Variants in XPC observed in about 807,000 individuals in gnomAD.
XPC encodes the protein DNA repair protein complementing XP-C cells.
Under a neutral mutation model 95.8 loss-of-function variants are expected in XPC, and 76 were observed. That is an observed-to-expected ratio of 0.79 (90% CI 0.66 to 0.96). XPC has a LOEUF of 0.96. Ranked by LOEUF, XPC falls within the 40% of genes least tolerant of loss-of-function variation. The pLI, the probability that XPC is intolerant of heterozygous loss-of-function variation, is 0.00. For synonymous variants in XPC, 442 were observed against 442.1 expected (o/e 1.00, Z 0.00); for missense variants, 1,146 against 1,179.8 (o/e 0.97, Z 0.42).
rs180675361 is a variant in XPC, at chr3:14,171,505, A to T, written c.300-955T>A. 1.5e-4 allele frequency among the ~76,000 whole-genome samples: 23 copies of T among 152,234 alleles called. No homozygotes were observed. In the East Asian group the frequency reaches 4.5e-3, roughly 29 times the overall value. On this transcript the variant is annotated intron_variant, in intron 2 of 15. Transcript: ENST00000285021. ...CTCTGGAGATAGAATTCAACTAGTG[A>T]GGGGAGGCAACTGGAAAGCAGTAAG...
chr3:14,163,204 A>C (rs1696231599), intron 7 of XPC, among the ~76,000 whole-genome samples: 1 of 152,246 alleles, frequency 6.6e-6, no homozygotes, highest in Non-Finnish European at 1.5e-5. Flanking sequence ...TGGTTTCTCC[A>C]AAAATTACAT....
chr3:14,169,433 A>C (rs1696522746), intron 3 of XPC, among the ~76,000 whole-genome samples: 1 of 152,232 alleles, frequency 6.6e-6, no homozygotes, highest in African/African-American at 2.4e-5. Context: ...ACAGTCTACA[A>C]AACAAAAGAC....
chr3:14,166,935 G>T (rs1316923436), intron 5 of XPC, among the ~76,000 whole-genome samples: 1 of 152,176 alleles, frequency 6.6e-6, no homozygotes, highest in Non-Finnish European at 1.5e-5. Context: ...TCTTTATTTA[G>T]CCTCTGCTGC....
intron 5 of XPC, 84 bp downstream of exon 5, chr3:14,167,085 G>T: frequency 1.6e-6 from 2 of 1,280,718 alleles, no homozygotes; most frequent in Non-Finnish European, 1.1e-6. Context: ...CCACAGAGCA[G>T]CAAAGCCAGA....
rs1364737315 is a variant in XPC, at chr3:14,159,723, C to T, written c.990+18G>A. On this transcript the variant is annotated intron_variant, in intron 8 of 15. Transcript: ENST00000285021. ...CCTGTCAATTGCTCCTCTTCTCTGG[C>T]AGCCCTGCGCACCTCACCTTTGCTG... is the stretch of plus-strand genomic sequence containing the variant. The T allele has an allele frequency of 4.3e-5, 67 of 1,552,478 alleles. 1 individual carries two copies. The Admixed American group carries it at 1.3e-3, about 29-fold the overall frequency.
intron 11 of XPC, among the ~76,000 whole-genome samples, chr3:14,150,249 T>A (rs1179006710): frequency 2.0e-5 from 3 of 152,238 alleles, no homozygotes; most frequent in South Asian, 2.1e-4. Context: ...GGCGTGCGGC[T>A]GAGGGCTGGC....
rs375592814 is a variant in XPC, at chr3:14,164,883, T to A, written c.830A>T (p.Asp277Val). ...CCTTTCCAATGTAGTCTGCAGGTTATCTTGTTCACTGGCTGAAAGTTCTGC... is the reference window on the plus strand; with the variant it reads ...CCTTTCCAATGTAGTCTGCAGGTTAACTTGTTCACTGGCTGAAAGTTCTGC... ...VNAELSASEQ[D>V]NLQTTLERRF... The change falls in exon 7 of 16, where the codon GAT becomes GTT. Residue 277 changes from aspartate (D) to valine (V), a missense_variant. Physicochemically the swap from Asp to Val is radical, Grantham distance 152. Transcript: ENST00000285021. 3 of 1,612,850 alleles carry A rather than the reference T, an allele frequency of 1.9e-6. No individual in the cohort carries two copies. In the Admixed American group the frequency reaches 5.0e-5, roughly 27 times the overall value.
intron 2 of XPC, among the ~76,000 whole-genome samples, chr3:14,171,072 A>G (rs1289033845): frequency 1.3e-5 from 2 of 152,236 alleles, no homozygotes; most frequent in African/African-American, 4.8e-5. Context: ...ATAACAAGAG[A>G]CATAGACAGC....
At chr3:14,152,126 G>A in intron 11 of XPC, 1 of 521,300 alleles carries the variant, frequency 1.9e-6, no homozygotes, top group South Asian at 2.7e-5. Context: ...TGTTTTGGAA[G>A]ATCCATTTCT....
At position 14,147,950 on chromosome 3, in the gene XPC, G is replaced by A. The variant is rs767823910; in HGVS notation, c.2472C>T (p.Ala824=). The stretch of plus-strand genomic sequence containing the variant: ...CAATGACTGCCTGCTCATTTTCCCA[G>A]GCAGTCAGGAGCACGTCTTTGAATT... ...CEEFKDVLLT[A]WENEQAVIER... The change falls in exon 14 of 16, where the codon GCC becomes GCT. Residue 824 remains alanine (A), a synonymous_variant. Coordinates refer to ENST00000285021, the MANE Select transcript of XPC (RefSeq NM_004628.5). 5 of 1,603,758 alleles carry A rather than the reference G, an allele frequency of 3.1e-6. No individual in the cohort carries two copies. The highest frequency in any genetic ancestry group is 4.3e-6 in the Non-Finnish European group (5 of 1,174,828).
chr3:14,148,459 AG>A, intron 13 of XPC, 102 bp downstream of exon 13: 1 of 1,468,804 alleles, frequency 6.8e-7, no homozygotes, highest in Non-Finnish European at 9.2e-7. Context: ...TGGAGCCACC[AG>A]GCCTCAACTC....
intron 10 of XPC, among the ~76,000 whole-genome samples, chr3:14,155,304 T>C (rs1309336056): frequency 6.6e-6 from 1 of 152,248 alleles, no homozygotes; most frequent in African/African-American, 2.4e-5. Flanking sequence ...TCCTGTTTTC[T>C]CATTTATTAA....
In XPC at chr3:14,163,645, G is replaced by A. The variant is rs79435044; in HGVS notation, c.900+1168C>T. ...ATGCGTATATACAGGGTTTCCCTTG[G>A]GGGTGACAAAAACATTTTGGAAATA... On this transcript the variant is annotated intron_variant, in intron 7 of 15. Coordinates refer to ENST00000285021, the MANE Select transcript of XPC (RefSeq NM_004628.5). 7.2e-3 allele frequency among the ~76,000 whole-genome samples: 1,089 copies of A among 152,188 alleles called. 18 individuals carry two copies. The highest frequency in any genetic ancestry group is 0.024 in the African/African-American group (984 of 41,512).
rs1400974790 is a variant in XPC, at chr3:14,158,525, G to A, written c.1358C>T (p.Ser453Phe). 6.2e-7 allele frequency: 1 copy of A among 1,612,882 alleles called. No homozygotes were observed. The highest frequency in any genetic ancestry group is 8.5e-7 in the Non-Finnish European group (1 of 1,179,442). The stretch of plus-strand genomic sequence containing the variant: ...TTCGGAATCCTCATCAGAGGGATCA[G>A]AGGCTTCTCCACTGGAGAGCTCAAA... ...SDFELSSGEA[S>F]DPSDEDSEPG... The change falls in exon 9 of 16, where the codon TCT (serine) becomes TTT (phenylalanine). Residue 453 changes from serine (S) to phenylalanine (F), a missense_variant. By Grantham distance (155) the Ser-to-Phe change is radical. Coordinates refer to ENST00000285021, the MANE Select transcript of XPC (RefSeq NM_004628.5). The surrounding 1 kb of genome is among the most constrained non-coding windows in gnomAD (Gnocchi z 5.2).
chr3:14,149,211 G>A (rs1574950920), intron 11 of XPC, among the ~76,000 whole-genome samples: 1 of 152,086 alleles, frequency 6.6e-6, no homozygotes, highest in East Asian at 1.9e-4. Flanking sequence ...AGCCTCCTGA[G>A]TAGCTGGGAT....
intron 15 of XPC, among the ~76,000 whole-genome samples, 173 bp downstream of exon 15, chr3:14,147,117 A>T (rs1209534767): frequency 6.6e-6 from 1 of 152,172 alleles, no homozygotes; most frequent in Non-Finnish European, 1.5e-5. Context: ...CTCCAGGGAC[A>T]CCTTTCCCAA....
intron 15 of XPC, among the ~76,000 whole-genome samples, chr3:14,146,466 G>A (rs1695441851): frequency 6.6e-6 from 1 of 152,130 alleles, no homozygotes; most frequent in African/African-American, 2.4e-5. Context: ...TGTGATTCGT[G>A]CCTTGCATTT....
chr3:14,178,310 G>C, intron 1 of XPC, 156 bp downstream of exon 1: 1 of 809,806 alleles, frequency 1.2e-6, no homozygotes, highest in Non-Finnish European at 1.8e-6. Context: ...GGGGACAGCG[G>C]GGAGGGCCGG....
intron 10 of XPC, among the ~76,000 whole-genome samples, chr3:14,155,928 A>C (rs1354674841): frequency 6.6e-6 from 1 of 152,132 alleles, no homozygotes; most frequent in Non-Finnish European, 1.5e-5. Flanking sequence ...AACCATTACC[A>C]CCATCCATTC....
Sources: allele counts gnomAD v4.1 joint callset (sites outside exome capture counted in the v4.1 genomes callset), GRCh38; gene constraint gnomAD v4.1.1; non-coding constraint Gnocchi (gnomAD v3.1); transcripts MANE v1.5; gene names NCBI Gene and HGNC (gene_info 2026-07-23, HGNC 2026-07-21).